The following ADAMTS16 variants were observed in gnomAD, a reference collection of about 807,000 sequenced individuals.
ADAMTS16 encodes A disintegrin and metalloproteinase with thrombospondin motifs 16.
ADAMTS16 carries 94 observed loss-of-function variants against 145.8 expected under a neutral mutation model. The ratio of observed to expected loss-of-function variants is 0.64; its 90% CI spans 0.55 to 0.77. The LOEUF (loss-of-function observed/expected upper bound fraction) is 0.77. Ranked by LOEUF, ADAMTS16 falls within the 30% of genes least tolerant of loss-of-function variation. The pLI, the probability that ADAMTS16 is intolerant of heterozygous loss-of-function variation, is 0.00. For synonymous variants in ADAMTS16, 659 were observed against 604.3 expected (o/e 1.09, Z -1.33); for missense variants, 1,585 against 1,591.5 (o/e 1.00, Z 0.07).
intron 18 of ADAMTS16, among the ~76,000 whole-genome samples, chr5:5,268,412 G>T (rs998735800): frequency 6.6e-6 from 1 of 152,134 alleles, no homozygotes; most frequent in African/African-American, 2.4e-5. Flanking sequence ...CTCATCAGAC[G>T]CTCGGTCACC....
intron 10 of ADAMTS16, among the ~76,000 whole-genome samples, chr5:5,219,998 T>C (rs969894953): frequency 2.0e-5 from 3 of 152,178 alleles, no homozygotes; most frequent in Non-Finnish European, 4.4e-5. Flanking sequence ...TCCTGATTCT[T>C]GCTAATGTTA....
intron 17 of ADAMTS16, among the ~76,000 whole-genome samples, chr5:5,258,004 T>A (rs546497591): frequency 1.3e-5 from 2 of 152,182 alleles, no homozygotes; most frequent in South Asian, 4.2e-4. Context: ...TGACAAAGAG[T>A]TACATAGGTC....
chr5:5,168,394 C>T (rs1734942137), intron 3 of ADAMTS16, among the ~76,000 whole-genome samples: 1 of 108,794 alleles, frequency 9.2e-6, no homozygotes, highest in African/African-American at 3.9e-5. Context: ...TTTTACAATT[C>T]CTTTCTGGTT....
intron 18 of ADAMTS16, among the ~76,000 whole-genome samples, chr5:5,285,100 G>C (rs1186285380): frequency 6.6e-6 from 1 of 152,112 alleles, no homozygotes; most frequent in Admixed American, 6.5e-5. Flanking sequence ...CTCCCAAAAT[G>C]ACCACCATGA....
At chr5:5,174,166 T>C (rs1735124910) in intron 3 of ADAMTS16, among the ~76,000 whole-genome samples, 1 of 152,208 alleles carries the variant, frequency 6.6e-6, no homozygotes, top group African/African-American at 2.4e-5. Flanking sequence ...CTTTTGTTTA[T>C]CTAGAAAAGT....
chr5:5,198,699 AC>A (rs563469435), intron 8 of ADAMTS16, among the ~76,000 whole-genome samples: 119 of 152,336 alleles, frequency 7.8e-4, no homozygotes, highest in Middle Eastern at 3.4e-3. Context: ...TACTATATTT[AC>A]TAGTAATATA....
At chr5:5,152,388 G>A (rs564320046) in intron 3 of ADAMTS16, among the ~76,000 whole-genome samples, 7 of 152,346 alleles carry the variant, frequency 4.6e-5, no homozygotes, top group African/African-American at 1.7e-4. Context: ...GAGGTATTCA[G>A]GGTTTCATTG....
chr5:5,172,258 T>C (rs975417061), intron 3 of ADAMTS16, among the ~76,000 whole-genome samples: 1 of 152,044 alleles, frequency 6.6e-6, no homozygotes, highest in Non-Finnish European at 1.5e-5. Flanking sequence ...ATTTTGGCTC[T>C]GATCTTTATT....
chr5:5,284,995 G>A (rs1739053539), intron 18 of ADAMTS16, among the ~76,000 whole-genome samples: 1 of 152,156 alleles, frequency 6.6e-6, no homozygotes, highest in African/African-American at 2.4e-5. Flanking sequence ...AACAAGAATA[G>A]TGCTTTTGTT....
At chr5:5,168,222 C>A (rs1198525723) in intron 3 of ADAMTS16, among the ~76,000 whole-genome samples, 1 of 151,776 alleles carries the variant, frequency 6.6e-6, no homozygotes, top group Admixed American at 6.6e-5. Context: ...TTTTCTTGAC[C>A]TTTTAATATT....
intron 3 of ADAMTS16, among the ~76,000 whole-genome samples, chr5:5,177,798 A>G (rs1363044867): frequency 6.6e-6 from 1 of 152,180 alleles, no homozygotes; most frequent in Non-Finnish European, 1.5e-5. Flanking sequence ...CTTGATAATT[A>G]AAATGCATCT....
intron 3 of ADAMTS16, among the ~76,000 whole-genome samples, chr5:5,170,702 T>G (rs1283444385): frequency 1.4e-5 from 2 of 143,392 alleles, no homozygotes; most frequent in Non-Finnish European, 3.2e-5. Flanking sequence ...TAAATCAAAT[T>G]CTTAGATTTT....
intron 11 of ADAMTS16, among the ~76,000 whole-genome samples, chr5:5,228,189 C>A (rs1031476098): frequency 2.6e-5 from 4 of 152,118 alleles, no homozygotes; most frequent in Non-Finnish European, 5.9e-5. Context: ...GTTAGCTTAA[C>A]CAGAATCCTA....
chr5:5,222,344 G>A (rs1179904016), intron 10 of ADAMTS16, among the ~76,000 whole-genome samples: 1 of 147,920 alleles, frequency 6.8e-6, no homozygotes, highest in Non-Finnish European at 1.5e-5. Flanking sequence ...TGGATGGATG[G>A]ATGGATGGAT....
At chr5:5,190,764 G>A (rs1207456678) in intron 7 of ADAMTS16, among the ~76,000 whole-genome samples, 1 of 152,130 alleles carries the variant, frequency 6.6e-6, no homozygotes, top group Admixed American at 6.5e-5. Flanking sequence ...TAGTCTTATT[G>A]TGCAAAAGCA....
intron 10 of ADAMTS16, among the ~76,000 whole-genome samples, chr5:5,213,085 G>T (rs1410176507): frequency 6.6e-6 from 1 of 152,094 alleles, no homozygotes; most frequent in African/African-American, 2.4e-5. Flanking sequence ...CCTCTTCCTT[G>T]CACTATCATT....
At chr5:5,241,935 T>G (rs1208247547) in intron 16 of ADAMTS16, 118 bp from the exon 17 acceptor site, 2 of 1,222,738 alleles carry the variant, frequency 1.6e-6, no homozygotes, top group East Asian at 2.5e-5. Context: ...ATGTATTTTA[T>G]CATCATAACA....
intron 11 of ADAMTS16, 109 bp downstream of exon 11, chr5:5,222,993 C>T (rs2126348552): frequency 1.2e-6 from 1 of 856,464 alleles, no homozygotes; most frequent in Non-Finnish European, 1.9e-6. Context: ...TTCTCATATA[C>T]ATATGCATAC....
intron 18 of ADAMTS16, among the ~76,000 whole-genome samples, chr5:5,275,536 ATT>A (rs1244033692): frequency 2.0e-5 from 3 of 151,864 alleles, no homozygotes; most frequent in African/African-American, 7.3e-5. Context: ...TCACATTATG[ATT>A]GATTGTTTTT....
Sources: gnomAD v4.1 joint callset for allele counts (sites outside exome capture counted in the v4.1 genomes callset) on GRCh38, gnomAD v4.1.1 for gene constraint, MANE v1.5 for transcripts, NCBI Gene and HGNC (gene_info 2026-07-23, HGNC 2026-07-21) for gene names.